Variants in NEK8 observed in about 807,000 individuals in gnomAD.
The protein encoded by NEK8 is NIMA related kinase 8, also known as serine/threonine-protein kinase Nek8.
NEK8 carries 51 observed loss-of-function variants against 77.2 expected under a neutral mutation model. The ratio of observed to expected loss-of-function variants is 0.66; its 90% CI spans 0.53 to 0.83. The LOEUF (loss-of-function observed/expected upper bound fraction) is 0.83, where lower values mean the gene tolerates loss of function less well. Among genes scored for constraint, NEK8 ranks in the 40% least tolerant of loss-of-function variants. The pLI is 0.00. For synonymous variants in NEK8, 365 were observed against 363.2 expected (o/e 1.00, Z -0.06); for missense variants, 787 against 909.2 (o/e 0.87, Z 1.73).
intron 2 of NEK8, chr17:28,734,463 C>T (rs895763380): frequency 6.6e-5 from 37 of 564,734 alleles, no homozygotes; most frequent in Non-Finnish European, 1.1e-4. Context: ...ATCATGAGGT[C>T]AGGAGATCGA....
At position 28,740,760 on chromosome 17, in the gene NEK8, G is replaced by C; in HGVS notation, c.1569-62G>C. On this transcript the variant is annotated intron_variant, in intron 11 of 14. Transcript: ENST00000268766. This position sits in a 1 kb window ranked among gnomAD's most constrained non-coding sequence, Gnocchi z 4.7. The stretch of plus-strand genomic sequence containing the variant: ...CAACCCAGGGTGGGATCTGTCTCCT[G>C]GTGCACCAGCTCCTGCCCAAACTGT... 1 of 1,602,834 alleles carries C rather than the reference G, an allele frequency of 6.2e-7. No homozygotes were observed. Among genetic ancestry groups the C allele is most frequent in the Non-Finnish European group, 8.5e-7 (1 of 1,171,508 alleles).
rs959589808 is a variant in NEK8 at position 28,738,104 on chromosome 17, C to G, written c.1081C>G (p.Leu361Val). ...CCCCCTGCCCCTGCAGGCCCCACCC[C>G]TAGGTGCAGGCGGAGGCAGTCTCCT... Reference protein sequence around the residue: ...GRLILWEAPPLGAGGGSLLPG... With the variant: ...GRLILWEAPPVGAGGGSLLPG... The change falls in exon 8 of 15, where the codon CTA becomes GTA. Residue 361 changes from leucine to valine, a missense_variant. Leu to Val is a conservative substitution (Grantham distance 32, BLOSUM62 1). Transcript: ENST00000268766. The G allele has an allele frequency of 1.2e-6, 2 of 1,613,646 alleles. No homozygotes were observed. The highest frequency in any genetic ancestry group is 1.7e-6 in the Non-Finnish European group (2 of 1,179,816).
At chr17:28,736,046 G>T (rs936878237) in intron 4 of NEK8, among the ~76,000 whole-genome samples, 1 of 150,768 alleles carries the variant, frequency 6.6e-6, no homozygotes, top group African/African-American at 2.4e-5. Context: ...TTGTCCTTGC[G>T]ATAGTTTGCT....
At chr17:28,733,533 A>T (rs2034330473) in intron 1 of NEK8, among the ~76,000 whole-genome samples, 2 of 152,294 alleles carry the variant, frequency 1.3e-5, no homozygotes, top group South Asian at 4.1e-4. Flanking sequence ...GACTAACCAC[A>T]GAATTAAAAT....
In NEK8 at chr17:28,738,224, T is replaced by C; in HGVS notation, c.1201T>C (p.Phe401Leu). The C allele has an allele frequency of 1.1e-5, 17 of 1,614,182 alleles. No individual in the cohort carries two copies. The highest frequency in any genetic ancestry group is 1.4e-5 in the Non-Finnish European group (17 of 1,180,018). The change falls in exon 8 of 15, where the codon TTC (phenylalanine) becomes CTC (leucine). Residue 401 changes from phenylalanine (F) to leucine (L), a missense_variant. Around this residue, in one of 2 missense-constraint regions of NEK8, gnomAD observed 516 missense variants for 544.0 expected, o/e 0.95. Coordinates refer to ENST00000268766, the MANE Select transcript of NEK8 (RefSeq NM_178170.3). ...VTIKHVACGDFFTACLTDRGI... is the reference protein window; with the variant it reads ...VTIKHVACGDLFTACLTDRGI... ...CATCAAGCACGTGGCCTGTGGGGAC[T>C]TCTTCACTGCCTGCCTGACTGGTGA...
In NEK8 at chr17:28,735,334, A is replaced by C. The variant is rs1060501399; in HGVS notation, c.581A>C (p.Tyr194Ser). The C allele has an allele frequency of 3.1e-6, 5 of 1,614,064 alleles. No homozygotes were observed. Among genetic ancestry groups the C allele is most frequent in the Non-Finnish European group, 4.2e-6 (5 of 1,179,964 alleles). ...SDIWALGCVL[Y>S]ELASLKRAFE... ...ATCTGGGCCCTGGGCTGTGTCCTCT[A>C]CGAGCTGGCCAGCCTCAAGAGGGCT... Residue 194 changes from tyrosine (Y) to serine (S), a missense_variant, in exon 4 of 15, where the codon TAC (tyrosine) becomes TCC (serine). Physicochemically the swap from Tyr to Ser is moderately radical, Grantham distance 144 (BLOSUM62 -2). This residue lies in a region of NEK8 where 271 missense variants were observed against 365.1 expected (regional missense o/e 0.74). Coordinates refer to ENST00000268766, the MANE Select transcript of NEK8 (RefSeq NM_178170.3).
Position 28,737,825 on chromosome 17 carries a change from C to A in NEK8, c.896C>A (p.Pro299His), listed in dbSNP as rs2034380660. ...CCATGCACTGTACCTGCAGGTATCC[C>A]CCGGGGACCTGTGAGGCCAGCCATC... ...RTTSVRCRGI[P>H]RGPVRPAIPP... Residue 299 changes from proline to histidine, a missense_variant, in exon 7 of 15, where the codon CCC (proline) becomes CAC (histidine). Physicochemically the swap from Pro to His is moderately conservative, Grantham distance 77. Transcript: ENST00000268766. The surrounding 1 kb of genome is among the most constrained non-coding windows in gnomAD (Gnocchi z 4.8). The A allele has an allele frequency of 6.2e-7, 1 of 1,614,034 alleles. No homozygotes were observed. Among genetic ancestry groups the A allele is most frequent in the African/African-American group, 1.3e-5 (1 of 74,928 alleles).
intron 1 of NEK8, among the ~76,000 whole-genome samples, 161 bp downstream of exon 1, chr17:28,729,021 G>T (rs1423281150): frequency 1.3e-5 from 2 of 152,264 alleles, no homozygotes; most frequent in Non-Finnish European, 2.9e-5. Context: ...GGGAGACTCC[G>T]CCTCTACGGA....
chr17:28,732,066 G>A (rs2034313635), intron 1 of NEK8, among the ~76,000 whole-genome samples: 1 of 150,474 alleles, frequency 6.6e-6, no homozygotes. Context: ...GAGTAGCTGG[G>A]ACTACAGGCA....
rs1022177772 is a variant in NEK8 at position 28,740,728 on chromosome 17, A to G, written c.1569-94A>G. On this transcript the variant is annotated intron_variant, in intron 11 of 14. Coordinates refer to ENST00000268766, the MANE Select transcript of NEK8 (RefSeq NM_178170.3). This position sits in a 1 kb window ranked among gnomAD's most constrained non-coding sequence, Gnocchi z 4.7. ...CAGAATTGAGGGGGTTGAGGGTGCT[A>G]TTGGTTCAACCCAGGGTGGGATCTG... The G allele has an allele frequency of 5.1e-6, 8 of 1,571,204 alleles. No individual in the cohort carries two copies. The highest frequency in any genetic ancestry group is 2.2e-5 in the East Asian group (1 of 44,662).
chr17:28,730,716 G>A (rs1371357901), intron 1 of NEK8, among the ~76,000 whole-genome samples: 1 of 151,656 alleles, frequency 6.6e-6, no homozygotes. Flanking sequence ...AGGAGTTAGA[G>A]ACCAGCCTGG....
chr17:28,737,570 A>G lies in NEK8; in HGVS notation c.827+56A>G, dbSNP rs781428077. On this transcript the variant is annotated intron_variant, in intron 5 of 14. Coordinates refer to ENST00000268766, the MANE Select transcript of NEK8 (RefSeq NM_178170.3). The surrounding 1 kb of genome is among the most constrained non-coding windows in gnomAD (Gnocchi z 4.8). ...CGGCAGGGTGTGGGCACCCAGTGGG[A>G]GCACAGGAGGTCTGAGGCAGAGGGA... 6.2e-7 allele frequency: 1 copy of G among 1,613,122 alleles called. No individual in the cohort carries two copies. Among genetic ancestry groups the G allele is most frequent in the Non-Finnish European group, 8.5e-7 (1 of 1,179,566 alleles).
In NEK8 at chr17:28,737,445, T is replaced by C. The variant is rs751222874; in HGVS notation, c.758T>C (p.Met253Thr). 1.9e-6 allele frequency: 3 copies of C among 1,613,298 alleles called. No homozygotes were observed. Among genetic ancestry groups the C allele is most frequent in the Non-Finnish European group, 2.5e-6 (3 of 1,180,016 alleles). Reference sequence around the variant, plus strand: ...CAGCGGCCACCACTCAGCCACATCATGGCACAGCCCCTCTGCATCCGTGCC... The same window carrying C: ...CAGCGGCCACCACTCAGCCACATCACGGCACAGCCCCTCTGCATCCGTGCC... ...PAQRPPLSHI[M>T]AQPLCIRALL... The change falls in exon 5 of 15, where the codon ATG becomes ACG. Residue 253 changes from methionine to threonine, a missense_variant. Met to Thr is a moderately conservative substitution (Grantham distance 81). This residue lies in a region of NEK8 where 271 missense variants were observed against 365.1 expected (regional missense o/e 0.74). Transcript: ENST00000268766. This position sits in a 1 kb window ranked among gnomAD's most constrained non-coding sequence, Gnocchi z 4.8.
chr17:28,740,517 TG>T lies in NEK8; in HGVS notation c.1473del (p.Met491IlefsTer18). On this transcript the variant is annotated frameshift_variant, in exon 11 of 15. Transcript: ENST00000268766. LOFTEE classifies it high-confidence loss of function. This position sits in a 1 kb window ranked among gnomAD's most constrained non-coding sequence, Gnocchi z 4.7. Reference sequence around the variant, plus strand: ...CACAGCTGCCCCCAGCAGGTGCCCATGCCCCCAGGACAGGAAGCTCAGCGAG... The same window carrying T: ...CACAGCTGCCCCCAGCAGGTGCCCATCCCCCAGGACAGGAAGCTCAGCGAG... ...ESHSCPQQVP[M>X]PPGQEAQRVV... The T allele has an allele frequency of 6.2e-7, 1 of 1,614,138 alleles. No homozygotes were observed. The highest frequency in any genetic ancestry group is 1.6e-4 in the Middle Eastern group (1 of 6,062).
At chr17:28,738,267 G>A in intron 8 of NEK8, 22 bp downstream of exon 8, 2 of 1,614,080 alleles carry the variant, frequency 1.2e-6, no homozygotes, top group Non-Finnish European at 1.7e-6. Context: ...GGCCTACCTT[G>A]TGGGACCTGC....
intron 1 of NEK8, among the ~76,000 whole-genome samples, chr17:28,730,158 G>A (rs938186802): frequency 3.9e-5 from 6 of 152,046 alleles, no homozygotes; most frequent in South Asian, 2.1e-4. Flanking sequence ...TGTCGCTCAG[G>A]CTGGAGTGTA....
Position 28,735,338 on chromosome 17 carries a change from G to A in NEK8, c.585G>A (p.Glu195=), listed in dbSNP as rs2151732032. ...DIWALGCVLY[E]LASLKRAFEA... ...GGGCCCTGGGCTGTGTCCTCTACGA[G>A]CTGGCCAGCCTCAAGAGGGCTTTCG... Residue 195 remains glutamate (E), a synonymous_variant, in exon 4 of 15, where the codon GAG becomes GAA. Coordinates refer to ENST00000268766, the MANE Select transcript of NEK8 (RefSeq NM_178170.3). The A allele has an allele frequency of 6.2e-7, 1 of 1,614,048 alleles. No individual in the cohort carries two copies. The highest frequency in any genetic ancestry group is 8.5e-7 in the Non-Finnish European group (1 of 1,179,958).
At chr17:28,730,269 A>C in intron 1 of NEK8, among the ~76,000 whole-genome samples, 1 of 141,036 alleles carries the variant, frequency 7.1e-6, no homozygotes, top group African/African-American at 2.7e-5. Context: ...CGCCACAACA[A>C]CCGGCTAATT....
rs1208498759 is a variant in NEK8, at chr17:28,742,992, G to A, written c.*1005G>A. ...GGAGGCTAAGGCAAGAGAATCCCTT[G>A]AACCCGGGAGGTGAAGTTTGCAGTG... On this transcript the variant is annotated 3_prime_UTR_variant, in exon 15 of 15. Transcript: ENST00000268766. 7.2e-6 allele frequency: 1 copy of A among 138,752 alleles called. No individual in the cohort carries two copies. The highest frequency in any genetic ancestry group is 2.8e-5 in the African/African-American group (1 of 36,042). 8.6% of individuals were successfully genotyped at this position (138,752 alleles called of 1,614,324 possible). A position where few individuals can be genotyped will look rare whatever the true frequency, so the allele number is the denominator to read the frequency against.
Sources: gnomAD v4.1 joint callset for allele counts (sites outside exome capture counted in the v4.1 genomes callset) on GRCh38, gnomAD v4.1.1 for gene constraint, gnomAD v4.1.1 regional missense constraint, Gnocchi (gnomAD v3.1) non-coding constraint, MANE v1.5 for transcripts, NCBI Gene and HGNC (gene_info 2026-07-23, HGNC 2026-07-21) for gene names.